CTNNA3: variants seen among roughly 807,000 people sequenced by gnomAD.
CTNNA3 encodes catenin alpha 3, also known as catenin alpha-3.
In CTNNA3, 76 loss-of-function variants were observed where a neutral mutation model predicts 95.7. The ratio of observed to expected loss-of-function variants is 0.79; its 90% confidence interval spans 0.66 to 0.96. The LOEUF (loss-of-function observed/expected upper bound fraction) is 0.96. Among genes scored for constraint, CTNNA3 ranks in the 40% least tolerant of loss-of-function variants. The probability of loss-of-function intolerance (pLI) is 0.00; values close to 1 mark genes in which losing one functional copy is unlikely to be tolerated. For synonymous variants in CTNNA3, 431 were observed against 374.4 expected (o/e 1.15, Z -1.74); for missense variants, 1,191 against 1,089.8 (o/e 1.09, Z -1.31).
At chr10:66,963,886 A>G (rs916984891) in intron 7 of CTNNA3, among the ~76,000 whole-genome samples, 2 of 150,834 alleles carry the variant, frequency 1.3e-5, no homozygotes, top group African/African-American at 2.4e-5. Flanking sequence ...CTCTGTTGCC[A>G]GGCTGGAGTG....
chr10:67,221,876 G>C (rs1864676405), intron 5 of CTNNA3, among the ~76,000 whole-genome samples: 2 of 152,126 alleles, frequency 1.3e-5, no homozygotes, highest in South Asian at 4.1e-4. Context: ...ATGAGGACTT[G>C]TATTTGTATA....
At chr10:66,534,471 TA>T (rs1841579626) in intron 10 of CTNNA3, among the ~76,000 whole-genome samples, 1 of 120 alleles carries the variant, frequency 8.3e-3, no homozygotes, top group Non-Finnish European at 0.025. Flanking sequence ...ATAAAAATCA[TA>T]TATATATATA....
Position 66,520,720 on chromosome 10 carries a change from T to C in CTNNA3, c.1428A>G (p.Lys476=). The C allele has an allele frequency of 6.2e-7, 1 of 1,613,088 alleles. No individual in the cohort carries two copies. Among genetic ancestry groups the C allele is most frequent in the South Asian group, 1.1e-5 (1 of 90,966 alleles). ...LAARPKSQAV[K]NTMEMYKRTW... ...TACGCTTGTACATTTCCATGGTGTT[T>C]TTGACCGCTTGACTTTTGGGTCTTG... The change falls in exon 11 of 18, where the codon AAA becomes AAG. Residue 476 remains lysine (K), a synonymous_variant. Transcript: ENST00000433211.
At chr10:66,583,660 T>A (rs1431180641) in intron 10 of CTNNA3, among the ~76,000 whole-genome samples, 2 of 151,896 alleles carry the variant, frequency 1.3e-5, no homozygotes, top group Non-Finnish European at 2.9e-5. Context: ...CTTTGGATTT[T>A]TTTTGTTTCA....
chr10:66,712,056 C>A (rs1848312837), intron 9 of CTNNA3, among the ~76,000 whole-genome samples: 1 of 152,226 alleles, frequency 6.6e-6, no homozygotes, highest in Admixed American at 6.6e-5. Context: ...TCCTAATGCT[C>A]TCTTGTCAAG....
At chr10:66,658,954 G>T (rs1846161530) in intron 9 of CTNNA3, among the ~76,000 whole-genome samples, 1 of 152,076 alleles carries the variant, frequency 6.6e-6, no homozygotes, top group African/African-American at 2.4e-5. Flanking sequence ...TTCCCAAAAT[G>T]TTGGGATTAC....
At chr10:66,492,237 C>T (rs1012578987) in intron 11 of CTNNA3, among the ~76,000 whole-genome samples, 3 of 152,090 alleles carry the variant, frequency 2.0e-5, no homozygotes, top group Non-Finnish European at 4.4e-5. Context: ...AGAAAATACA[C>T]TTATTATAGG....
intron 10 of CTNNA3, among the ~76,000 whole-genome samples, chr10:66,578,626 T>C (rs1843081304): frequency 6.6e-6 from 1 of 152,024 alleles, no homozygotes; most frequent in Admixed American, 6.6e-5. Context: ...CATGTATTGA[T>C]TTGCCTATGT....
At chr10:67,170,594 A>T (rs1861976632) in intron 7 of CTNNA3, among the ~76,000 whole-genome samples, 1 of 152,170 alleles carries the variant, frequency 6.6e-6, no homozygotes, top group African/African-American at 2.4e-5. Context: ...AAAGAAGAAA[A>T]CAGTAAACAC....
chr10:67,132,388 G>A (rs1226393956), intron 7 of CTNNA3, among the ~76,000 whole-genome samples: 2 of 152,052 alleles, frequency 1.3e-5, no homozygotes, highest in East Asian at 3.9e-4. Flanking sequence ...AGTGGTCTTT[G>A]CTGGACAACT....
chr10:65,924,344 C>A (rs942544616), intron 17 of CTNNA3, among the ~76,000 whole-genome samples: 5 of 152,110 alleles, frequency 3.3e-5, no homozygotes, highest in Non-Finnish European at 5.9e-5. Flanking sequence ...AACCCTGCAT[C>A]TTGATTATGC....
At chr10:66,835,722 A>G (rs1842863663) in intron 7 of CTNNA3, among the ~76,000 whole-genome samples, 1 of 152,174 alleles carries the variant, frequency 6.6e-6, no homozygotes, top group African/African-American at 2.4e-5. Context: ...TAATCATTCA[A>G]TTATGGTCAT....
intron 7 of CTNNA3, among the ~76,000 whole-genome samples, chr10:67,173,167 G>A (rs1269838490): frequency 6.6e-6 from 1 of 152,170 alleles, no homozygotes; most frequent in Admixed American, 6.5e-5. Context: ...GCTATTAACT[G>A]TTGTAGTGAA....
chr10:66,884,754 T>A (rs1001415427), intron 7 of CTNNA3, among the ~76,000 whole-genome samples: 1 of 152,000 alleles, frequency 6.6e-6, no homozygotes, highest in Non-Finnish European at 1.5e-5. Context: ...AGATAACCAA[T>A]ACAGAGGGGC....
At chr10:66,249,366 C>T (rs2090458433) in intron 13 of CTNNA3, among the ~76,000 whole-genome samples, 1 of 152,136 alleles carries the variant, frequency 6.6e-6, no homozygotes, top group African/African-American at 2.4e-5. Flanking sequence ...TATTTGCAAA[C>T]TACCCCCCTG....
chr10:66,998,070 T>C (rs1038139316), intron 7 of CTNNA3, among the ~76,000 whole-genome samples: 1 of 152,200 alleles, frequency 6.6e-6, no homozygotes, highest in African/African-American at 2.4e-5. Context: ...CTCATTCTTC[T>C]ACAACAATTG....
At chr10:67,206,439 A>C (rs1863905543) in intron 6 of CTNNA3, among the ~76,000 whole-genome samples, 1 of 152,120 alleles carries the variant, frequency 6.6e-6, no homozygotes, top group African/African-American at 2.4e-5. Flanking sequence ...ATTTCCCCAA[A>C]ACTCACTGGA....
In CTNNA3 at chr10:66,305,606, T is replaced by C. The variant is rs146748218; in HGVS notation, c.1733-24985A>G. ...GTACCTTATACTTTTCTAGGTGCTT[T>C]CATGGTGAAGTCTTCCTGTTCATGA... On this transcript the variant is annotated intron_variant, in intron 12 of 17. Coordinates refer to ENST00000433211, the MANE Select transcript of CTNNA3 (RefSeq NM_013266.4). Among the ~76,000 whole-genome samples, 150 of 152,288 alleles carry C rather than the reference T, an allele frequency of 9.8e-4. 1 individual carries two copies. The highest frequency in any genetic ancestry group is 5.1e-4 in the Non-Finnish European group (35 of 68,026).
chr10:67,228,555 G>A (rs866518218), intron 5 of CTNNA3, among the ~76,000 whole-genome samples: 6 of 152,134 alleles, frequency 3.9e-5, no homozygotes, highest in African/African-American at 1.4e-4. Flanking sequence ...GGAAGTTGCA[G>A]TGGGCTGAGA....
Sources: allele counts gnomAD v4.1 joint callset (sites outside exome capture counted in the v4.1 genomes callset), GRCh38; gene constraint gnomAD v4.1.1; transcripts MANE v1.5; gene names NCBI Gene and HGNC (gene_info 2026-07-23, HGNC 2026-07-21).